The following TRIO variants were observed in gnomAD, a reference collection of about 807,000 sequenced individuals.
The protein encoded by TRIO is triple functional domain protein.
In TRIO, 58 loss-of-function variants were observed where a neutral mutation model predicts 351.9. The observed-to-expected ratio is 0.16, with a 90% CI of 0.13 to 0.21. The LOEUF (loss-of-function observed/expected upper bound fraction) is 0.21. Among genes scored for constraint, TRIO ranks in the 10% least tolerant of loss-of-function variants. The probability of loss-of-function intolerance (pLI) is 1.00; values close to 1 mark genes in which losing one functional copy is unlikely to be tolerated. For missense variants in TRIO, 3,201 were observed against 4,027.8 expected (o/e 0.79, Z 5.56); for synonymous variants, 1,758 against 1,595.7 (o/e 1.10, Z -2.42).
At chr5:14,411,933 C>T (rs867557220) in intron 33 of TRIO, among the ~76,000 whole-genome samples, 12 of 151,886 alleles carry the variant, frequency 7.9e-5, no homozygotes, top group African/African-American at 2.9e-4. Context: ...TTAATGAAGC[C>T]TTAGCACCGT....
At chr5:14,426,084 C>T (rs1750616209) in intron 34 of TRIO, among the ~76,000 whole-genome samples, 1 of 152,210 alleles carries the variant, frequency 6.6e-6, no homozygotes, top group African/African-American at 2.4e-5. Context: ...GACCTCACTT[C>T]TTGCCCTTTT....
intron 1 of TRIO, among the ~76,000 whole-genome samples, chr5:14,225,848 G>C (rs922789517): frequency 6.6e-6 from 1 of 150,796 alleles, no homozygotes; most frequent in African/African-American, 2.4e-5. Context: ...AACAACGGGG[G>C]TGGGCAGATG....
At position 14,358,172 on chromosome 5, in the gene TRIO, C is replaced by T. The variant is rs373227614; in HGVS notation, c.2047-6C>T. 4 of 1,610,670 alleles carry T rather than the reference C, an allele frequency of 2.5e-6. No homozygotes were observed. Among genetic ancestry groups the T allele is most frequent in the Non-Finnish European group, 1.7e-6 (2 of 1,177,464 alleles). ...GCCGGCCTCACCCCCCTCTCCCCTT[C>T]CCCAGCTGTGGACGTGGCTGGAGGA... On this transcript the variant is annotated splice_region_variant and splice_polypyrimidine_tract_variant and intron_variant, in intron 11 of 56. Coordinates refer to ENST00000344204, the MANE Select transcript of TRIO (RefSeq NM_007118.4).
At chr5:14,158,149 G>A (rs1004365743) in intron 1 of TRIO, among the ~76,000 whole-genome samples, 9 of 152,112 alleles carry the variant, frequency 5.9e-5, no homozygotes, top group African/African-American at 9.7e-5. Flanking sequence ...GGAATAGGCC[G>A]GGCGCTGTGG....
intron 1 of TRIO, among the ~76,000 whole-genome samples, chr5:14,171,912 TC>T (rs1367799504): frequency 6.6e-6 from 1 of 152,220 alleles, no homozygotes; most frequent in African/African-American, 2.4e-5. Flanking sequence ...GTATACACAC[TC>T]TTTTCCATTT....
intron 12 of TRIO, 89 bp downstream of exon 12, chr5:14,358,436 C>G (rs1047321386): frequency 3.7e-5 from 55 of 1,486,672 alleles, no homozygotes; most frequent in South Asian, 2.1e-4. Flanking sequence ...GTGGTCAGCT[C>G]TGCTTCTCTG....
At chr5:14,276,105 T>C (rs1735499048) in intron 2 of TRIO, among the ~76,000 whole-genome samples, 1 of 151,892 alleles carries the variant, frequency 6.6e-6, no homozygotes, top group African/African-American at 2.4e-5. Context: ...TTCACTCTTA[T>C]CAAGTTGGGG....
chr5:14,221,641 C>T (rs766336084), intron 1 of TRIO, among the ~76,000 whole-genome samples: 18 of 152,200 alleles, frequency 1.2e-4, no homozygotes, highest in African/African-American at 2.9e-4. Flanking sequence ...ATGGTGGAAA[C>T]GGCAAGAGAA....
intron 9 of TRIO, among the ~76,000 whole-genome samples, chr5:14,321,714 A>T (rs1241197512): frequency 6.6e-6 from 1 of 152,228 alleles, no homozygotes; most frequent in Non-Finnish European, 1.5e-5. Flanking sequence ...GACCCCACCC[A>T]AATCTCATCT....
chr5:14,387,736 A>G lies in TRIO; in HGVS notation c.3770A>G (p.Lys1257Arg), dbSNP rs771149297. The change falls in exon 23 of 57, where the codon AAA (lysine) becomes AGA (arginine). Residue 1257 changes from lysine (K) to arginine (R), a missense_variant. This residue lies in a region of TRIO where 201 missense variants were observed against 266.5 expected (regional missense o/e 0.75). Coordinates refer to ENST00000344204, the MANE Select transcript of TRIO (RefSeq NM_007118.4). ...ATTGGCTCTGTTATTCCACAGAGTAAAAGTCTCCAGCTAGATATCATTCCA... is the reference window on the plus strand; with the variant it reads ...ATTGGCTCTGTTATTCCACAGAGTAGAAGTCTCCAGCTAGATATCATTCCA... ...GISSDSNKSS[K>R]SLQLDIIPAS... 6.2e-7 allele frequency: 1 copy of G among 1,614,244 alleles called. No individual in the cohort carries two copies. Among genetic ancestry groups the G allele is most frequent in the Non-Finnish European group, 8.5e-7 (1 of 1,180,036 alleles).
chr5:14,156,115 A>G (rs1788091042), intron 1 of TRIO, among the ~76,000 whole-genome samples: 1 of 152,068 alleles, frequency 6.6e-6, no homozygotes, highest in Non-Finnish European at 1.5e-5. Flanking sequence ...TGCTGTAATT[A>G]TCTAAGATTT....
chr5:14,331,011 A>G, intron 10 of TRIO, 111 bp downstream of exon 10: 1 of 1,476,610 alleles, frequency 6.8e-7, no homozygotes, highest in Non-Finnish European at 9.2e-7. Flanking sequence ...TGTGTTTGAC[A>G]CCTCAGATGA....
intron 11 of TRIO, among the ~76,000 whole-genome samples, chr5:14,350,715 G>A (rs1344446421): frequency 6.6e-6 from 1 of 152,100 alleles, no homozygotes; most frequent in African/African-American, 2.4e-5. Context: ...CATTTGCATG[G>A]ATAATTACTT....
rs147287932 is a variant in TRIO at position 14,250,638 on chromosome 5, G to A, written c.158-20187G>A. ...TTTCCCATGAGTTCTGAGAGCACCCGAGCCTGTACACTCGAGAGGGATGGA... is the reference window on the plus strand; with the variant it reads ...TTTCCCATGAGTTCTGAGAGCACCCAAGCCTGTACACTCGAGAGGGATGGA... On this transcript the variant is annotated intron_variant, in intron 1 of 56. Coordinates refer to ENST00000344204, the MANE Select transcript of TRIO (RefSeq NM_007118.4). Among the ~76,000 whole-genome samples the A allele has an allele frequency of 7.8e-4, 119 of 152,270 alleles. No homozygotes were observed. In the South Asian group the frequency reaches 0.012, roughly 15 times the overall value.
intron 34 of TRIO, 170 bp downstream of exon 34, chr5:14,420,191 G>A (rs1386832036): frequency 2.0e-5 from 20 of 1,003,044 alleles, no homozygotes; most frequent in Non-Finnish European, 2.7e-5. Flanking sequence ...CACCTGAAGA[G>A]GAAATGAGGA....
intron 6 of TRIO, among the ~76,000 whole-genome samples, chr5:14,295,272 A>C (rs1051023997): frequency 1.3e-5 from 2 of 152,210 alleles, no homozygotes; most frequent in Non-Finnish European, 2.9e-5. Context: ...TGCATGTTCT[A>C]CTCTAACAGA....
At chr5:14,344,084 C>CT (rs1420688998) in intron 11 of TRIO, among the ~76,000 whole-genome samples, 2 of 152,190 alleles carry the variant, frequency 1.3e-5, no homozygotes, top group Non-Finnish European at 1.5e-5. Flanking sequence ...TCTCTATATG[C>CT]TTTTACACAT....
intron 4 of TRIO, 130 bp downstream of exon 4, chr5:14,287,193 A>G: frequency 1.2e-6 from 1 of 858,598 alleles, no homozygotes; most frequent in Non-Finnish European, 1.8e-6. Context: ...CGAACATGTG[A>G]TACGTAAAAT....
In TRIO at chr5:14,461,316, G is replaced by A. The variant is rs1285699087; in HGVS notation, c.5496+5G>A. The A allele has an allele frequency of 3.9e-6, 6 of 1,549,878 alleles. No individual in the cohort carries two copies. The African/African-American group carries it at 8.2e-5, about 21-fold the overall frequency. On this transcript the variant is annotated splice_donor_5th_base_variant and intron_variant, in intron 35 of 56. Transcript: ENST00000344204. ...CAGGACGAGACGGTCGAGGAGGTGA[G>A]GCTCTGCCCGCTGGTTGGGGCCGGC...
Sources: gnomAD v4.1 joint callset for allele counts (sites outside exome capture counted in the v4.1 genomes callset) on GRCh38, gnomAD v4.1.1 for gene constraint, gnomAD v4.1.1 regional missense constraint, MANE v1.5 for transcripts, NCBI Gene and HGNC (gene_info 2026-07-23, HGNC 2026-07-21) for gene names.